Variants in NTSR1 observed in about 807,000 individuals in gnomAD.
NTSR1 encodes the protein neurotensin receptor 1.
NTSR1 carries 29 observed loss-of-function variants against 31.2 expected under a neutral mutation model. The observed-to-expected ratio is 0.93, with a 90% confidence interval of 0.69 to 1.27. The LOEUF is 1.27. Ranked by LOEUF, NTSR1 falls within the 50% of genes most tolerant of loss-of-function variation. NTSR1 has a pLI of 0.00. For missense variants in NTSR1, 697 were observed against 595.4 expected, an observed-to-expected ratio of 1.17 and a Z score of -1.78; for synonymous variants, 282 against 269.9, an observed-to-expected ratio of 1.04 and a Z score of -0.44.
intron 1 of NTSR1, among the ~76,000 whole-genome samples, chr20:62,729,241 C>T (rs1402432792): frequency 3.3e-5 from 5 of 152,172 alleles, no homozygotes; most frequent in Non-Finnish European, 5.9e-5. Flanking sequence ...TTGGGGGCTC[C>T]GGGAGGAGGG....
chr20:62,713,288 C>T (rs1248941585), intron 1 of NTSR1, among the ~76,000 whole-genome samples: 1 of 152,212 alleles, frequency 6.6e-6, no homozygotes, highest in African/African-American at 2.4e-5. Context: ...CTGGGTTAGA[C>T]CCCAACTCAG....
intron 1 of NTSR1, among the ~76,000 whole-genome samples, chr20:62,724,692 G>GT (rs1470386156): frequency 1.3e-5 from 2 of 152,194 alleles, no homozygotes; most frequent in Non-Finnish European, 2.9e-5. Context: ...GTCTCTTGGG[G>GT]CTGCAGAGGC....
In NTSR1 at chr20:62,743,839, T is replaced by G. The variant is rs888280955; in HGVS notation, c.715-10846T>G. Among the ~76,000 whole-genome samples the G allele has an allele frequency of 3.9e-5, 6 of 152,150 alleles. No homozygotes were observed. The highest frequency in any genetic ancestry group is 1.4e-4 in the African/African-American group (6 of 41,424). On this transcript the variant is annotated intron_variant, in intron 1 of 3. Transcript: ENST00000370501. This position sits in a 1 kb window ranked among gnomAD's most constrained non-coding sequence, Gnocchi z 7.5. ...AACGCCCTGCCTGAGGTCGAGGGGC[T>G]GAGGCCGGCTGTCTGGAGCCTGTGT...
chr20:62,759,327 G>A (rs1989568994), intron 3 of NTSR1, among the ~76,000 whole-genome samples: 1 of 152,178 alleles, frequency 6.6e-6, no homozygotes, highest in Admixed American at 6.5e-5. Context: ...TGTGGCTGCT[G>A]GGGAGGTGTG....
intron 1 of NTSR1, among the ~76,000 whole-genome samples, chr20:62,716,654 G>A (rs923667776): frequency 3.9e-5 from 6 of 152,218 alleles, no homozygotes; most frequent in African/African-American, 9.6e-5. Context: ...GCTGCCGTCC[G>A]CTCAAGGCTG....
chr20:62,729,626 A>ATTTTTTTT (rs36003279), intron 1 of NTSR1, among the ~76,000 whole-genome samples: 1 of 122,790 alleles, frequency 8.1e-6, no homozygotes, highest in African/African-American at 3.1e-5. Flanking sequence ...GGGGTTTCTA[A>ATTTTTTTT]TTTTTTTTTT....
At chr20:62,751,391 A>G (rs1989391964) in intron 1 of NTSR1, among the ~76,000 whole-genome samples, 1 of 152,214 alleles carries the variant, frequency 6.6e-6, no homozygotes, top group Admixed American at 6.5e-5. Flanking sequence ...AAATTGTCTT[A>G]TCCCTTAAGA....
intron 1 of NTSR1, among the ~76,000 whole-genome samples, chr20:62,726,316 G>A (rs530541737): frequency 5.3e-5 from 8 of 152,330 alleles, no homozygotes; most frequent in Non-Finnish European, 7.3e-5. Flanking sequence ...ATCGGCCTGC[G>A]TCTGTCAATG....
At chr20:62,717,638 T>A (rs575756366) in intron 1 of NTSR1, among the ~76,000 whole-genome samples, 35 of 152,332 alleles carry the variant, frequency 2.3e-4, no homozygotes, top group Admixed American at 1.1e-3. Flanking sequence ...TGTTCTCCCC[T>A]GGACAACGGC....
intron 1 of NTSR1, among the ~76,000 whole-genome samples, chr20:62,752,645 T>A (rs986366880): frequency 6.6e-6 from 1 of 152,248 alleles, no homozygotes; most frequent in Non-Finnish European, 1.5e-5. Context: ...CCAGCCGTGT[T>A]GGTGAGGTTG....
At chr20:62,747,133 A>G (rs1989313676) in intron 1 of NTSR1, among the ~76,000 whole-genome samples, 1 of 152,276 alleles carries the variant, frequency 6.6e-6, no homozygotes, top group South Asian at 2.1e-4. Context: ...AGAAGGAAGG[A>G]CAAGAGCCAT....
At chr20:62,710,089 G>C (rs1411317517) in intron 1 of NTSR1, among the ~76,000 whole-genome samples, 168 bp downstream of exon 1, 4 of 152,208 alleles carry the variant, frequency 2.6e-5, no homozygotes, top group African/African-American at 7.2e-5. Context: ...GAGTTGCCAG[G>C]CTCAGCCCCT....
intron 1 of NTSR1, among the ~76,000 whole-genome samples, chr20:62,738,994 A>G (rs1364362731): frequency 6.6e-6 from 1 of 152,186 alleles, no homozygotes; most frequent in African/African-American, 2.4e-5. Context: ...CCAGTGATCT[A>G]TCTTTTACAC....
rs868685669 is a variant in NTSR1, at chr20:62,760,501, A to G, written c.*234A>G. 18 of 485,486 alleles carry G rather than the reference A, an allele frequency of 3.7e-5. No individual in the cohort carries two copies. Among genetic ancestry groups the G allele is most frequent in the African/African-American group, 2.4e-4 (12 of 49,464 alleles). The allele number at this position is 485,486 out of a possible 1,614,324, so 30.1% of individuals were successfully genotyped here. On this transcript the variant is annotated 3_prime_UTR_variant, in exon 4 of 4. Coordinates refer to ENST00000370501, the MANE Select transcript of NTSR1 (RefSeq NM_002531.3). ...CTCCCCCATCTCCTCTTTGAAAGCC[A>G]GAACAAGAGAGCGCTCCTCTCCCAG...
intron 1 of NTSR1, among the ~76,000 whole-genome samples, chr20:62,720,317 A>G (rs1988809477): frequency 6.6e-6 from 1 of 152,256 alleles, no homozygotes; most frequent in Non-Finnish European, 1.5e-5. Context: ...AAATTATTTT[A>G]AAAGATAAAG....
intron 1 of NTSR1, 43 bp downstream of exon 1, chr20:62,709,964 C>A: frequency 6.9e-7 from 1 of 1,454,082 alleles, no homozygotes; most frequent in Non-Finnish European, 9.3e-7. Context: ...TCTCCTTCAC[C>A]CCAAAAGCAG....
At chr20:62,718,903 G>T (rs1988782222) in intron 1 of NTSR1, among the ~76,000 whole-genome samples, 1 of 152,130 alleles carries the variant, frequency 6.6e-6, no homozygotes, top group South Asian at 2.1e-4. Flanking sequence ...AGATTGCTGG[G>T]TCATACAGAA....
intron 1 of NTSR1, among the ~76,000 whole-genome samples, chr20:62,738,531 G>A (rs1313452552): frequency 1.3e-5 from 2 of 152,252 alleles, no homozygotes; most frequent in Non-Finnish European, 2.9e-5. Context: ...ATCTCCCGGC[G>A]AGCCTATGAG....
chr20:62,754,909 A>G, intron 2 of NTSR1, 23 bp downstream of exon 2: 1 of 1,562,406 alleles, frequency 6.4e-7, no homozygotes, highest in Non-Finnish European at 8.6e-7. Context: ...TGGGCCCTCC[A>G]GGGGCGGGAG....
Sources: gnomAD v4.1 joint callset for allele counts (sites outside exome capture counted in the v4.1 genomes callset) on GRCh38, gnomAD v4.1.1 for gene constraint, Gnocchi (gnomAD v3.1) non-coding constraint, MANE v1.5 for transcripts, NCBI Gene and HGNC (gene_info 2026-07-23, HGNC 2026-07-21) for gene names.